Variants in ERCC8 observed in about 807,000 individuals in gnomAD.
ERCC8 encodes ERCC excision repair 8, CSA ubiquitin ligase complex subunit, also known as DNA excision repair protein ERCC-8.
In ERCC8, 52 loss-of-function variants were observed where a neutral mutation model predicts 54.9. The ratio of observed to expected loss-of-function variants is 0.95; its 90% CI spans 0.76 to 1.19. The LOEUF is 1.19. ERCC8 is among the 50% of genes most tolerant of loss of function. The pLI is 0.00. For missense variants in ERCC8, 514 were observed against 466.1 expected (o/e 1.10, Z -0.95); for synonymous variants, 146 against 157.2 (o/e 0.93, Z 0.53).
intron 4 of ERCC8, among the ~76,000 whole-genome samples, chr5:60,906,540 C>T (rs895041300): frequency 1.3e-4 from 19 of 151,812 alleles, no homozygotes; most frequent in Admixed American, 1.2e-3. Flanking sequence ...ACAAGCCTGG[C>T]CAACATGGTG....
At chr5:60,928,706 T>C (rs1434710826) in intron 2 of ERCC8, among the ~76,000 whole-genome samples, 158 bp downstream of exon 2, 3 of 152,190 alleles carry the variant, frequency 2.0e-5, no homozygotes, top group Non-Finnish European at 2.9e-5. Context: ...GTTCGATGTT[T>C]TGTATTTACT....
At chr5:60,875,358 C>A (rs894723645) in intron 11 of ERCC8, among the ~76,000 whole-genome samples, 6 of 152,156 alleles carry the variant, frequency 3.9e-5, no homozygotes, top group African/African-American at 1.4e-4. Context: ...AGGTTTCCCT[C>A]AGGGATTTGT....
intron 11 of ERCC8, among the ~76,000 whole-genome samples, chr5:60,876,472 T>G (rs1436656424): frequency 6.6e-6 from 1 of 152,236 alleles, no homozygotes; most frequent in Non-Finnish European, 1.5e-5. Flanking sequence ...TCCACAATGG[T>G]TGAACTAGTT....
In ERCC8 at chr5:60,917,341, A is replaced by G. The variant is rs540087575; in HGVS notation, c.399+924T>C. On this transcript the variant is annotated intron_variant, in intron 4 of 11. Transcript: ENST00000676185. ...ACGATCAGTTTAGTTGCAGCAAAGCATTTGTGTTGAAAACTGGTAGAACAT... is the reference window on the plus strand; with the variant it reads ...ACGATCAGTTTAGTTGCAGCAAAGCGTTTGTGTTGAAAACTGGTAGAACAT... The G allele has an allele frequency of 4.0e-5, 6 of 151,652 alleles. No individual in the cohort carries two copies. The East Asian group carries it at 7.7e-4, about 19-fold the overall frequency. The allele number at this position is 151,652 out of a possible 1,614,324, so 9.4% of individuals were successfully genotyped here. A position where few individuals can be genotyped will look rare whatever the true frequency, so the allele number is the denominator to read the frequency against.
chr5:60,881,536 T>C (rs1400363365), intron 11 of ERCC8, among the ~76,000 whole-genome samples: 2 of 152,208 alleles, frequency 1.3e-5, no homozygotes, highest in Admixed American at 1.3e-4. Flanking sequence ...CCGCTTTGTT[T>C]ACCTACTCAA....
intron 9 of ERCC8, chr5:60,892,356 A>G (rs1226200170): frequency 1.8e-6 from 1 of 550,430 alleles, no homozygotes; most frequent in East Asian, 4.7e-5. Context: ...CCAGTGGCCA[A>G]GCATTCCATG....
intron 4 of ERCC8, among the ~76,000 whole-genome samples, chr5:60,906,389 T>C (rs1372475076): frequency 6.6e-6 from 1 of 151,984 alleles, no homozygotes; most frequent in Non-Finnish European, 1.5e-5. Flanking sequence ...GGTCTCTCAT[T>C]AGCTTTACAA....
chr5:60,895,642 C>G (rs1316740226), intron 9 of ERCC8, among the ~76,000 whole-genome samples: 1 of 152,144 alleles, frequency 6.6e-6, no homozygotes, highest in Non-Finnish European at 1.5e-5. Flanking sequence ...TATAACATTC[C>G]CTCATTTGTG....
At chr5:60,904,621 AG>A (rs1748999522) in intron 5 of ERCC8, among the ~76,000 whole-genome samples, 170 bp downstream of exon 5, 1 of 63,846 alleles carries the variant, frequency 1.6e-5, no homozygotes, top group African/African-American at 7.8e-5. Flanking sequence ...GAATATATAT[AG>A]TGTGTGTGTG....
intron 3 of ERCC8, chr5:60,919,402 T>C (rs1453850251): frequency 6.6e-6 from 1 of 151,956 alleles, no homozygotes; most frequent in African/African-American, 2.4e-5. Context: ...AGAAGACTTC[T>C]GCAACCCTAT....
At position 60,872,000 on chromosome 5, in the gene ERCC8, C is replaced by T. The variant is rs1403342355; in HGVS notation, c.*2615G>A. Among the ~76,000 whole-genome samples, 1 of 152,036 alleles carries T rather than the reference C, an allele frequency of 6.6e-6. No homozygotes were observed. Among genetic ancestry groups the T allele is most frequent in the Non-Finnish European group, 1.5e-5 (1 of 68,006 alleles). On this transcript the variant is annotated 3_prime_UTR_variant, in exon 12 of 12. Coordinates refer to ENST00000676185, the MANE Select transcript of ERCC8 (RefSeq NM_000082.4). ...TTTTTTATTTAGAGACGAGGTTTTG[C>T]CATGTTGCCCAGGCTGGTCTTGAAC...
intron 4 of ERCC8, among the ~76,000 whole-genome samples, chr5:60,912,075 G>C (rs1445973137): frequency 1.3e-5 from 2 of 151,974 alleles, no homozygotes; most frequent in Admixed American, 1.3e-4. Context: ...GGTAATGCGG[G>C]CTCTTTTTTG....
intron 5 of ERCC8, among the ~76,000 whole-genome samples, chr5:60,904,251 T>C (rs1250500195): frequency 6.6e-6 from 1 of 152,050 alleles, no homozygotes; most frequent in Non-Finnish European, 1.5e-5. Context: ...TAGCTCTTCT[T>C]CACAGATAAA....
At chr5:60,883,461 C>T (rs1312911400) in intron 11 of ERCC8, among the ~76,000 whole-genome samples, 1 of 152,140 alleles carries the variant, frequency 6.6e-6, no homozygotes, top group East Asian at 1.9e-4. Context: ...ATCTATATCT[C>T]ACCAGGTTGT....
At chr5:60,891,345 A>T (rs540824852) in intron 9 of ERCC8, among the ~76,000 whole-genome samples, 1 of 152,154 alleles carries the variant, frequency 6.6e-6, no homozygotes, top group Non-Finnish European at 1.5e-5. Context: ...TTCAACCTTG[A>T]AGAATCATTT....
chr5:60,899,349 T>G (rs1748807265), intron 8 of ERCC8, among the ~76,000 whole-genome samples: 1 of 151,992 alleles, frequency 6.6e-6, no homozygotes, highest in Non-Finnish European at 1.5e-5. Context: ...TTGGCCTCAA[T>G]GGAGCAAAAA....
At chr5:60,876,472 T>C (rs1436656424) in intron 11 of ERCC8, among the ~76,000 whole-genome samples, 1 of 152,236 alleles carries the variant, frequency 6.6e-6, no homozygotes, top group African/African-American at 2.4e-5. Context: ...TCCACAATGG[T>C]TGAACTAGTT....
intron 4 of ERCC8, chr5:60,915,398 A>T (rs1041707476): frequency 4.6e-5 from 7 of 152,062 alleles, no homozygotes; most frequent in Admixed American, 2.6e-4. Flanking sequence ...ATCAATTCAA[A>T]CATAAAGCTT....
intron 11 of ERCC8, among the ~76,000 whole-genome samples, chr5:60,880,693 C>T (rs954035248): frequency 7.9e-5 from 12 of 152,184 alleles, no homozygotes; most frequent in Admixed American, 6.5e-4. Context: ...ACGTAGTTCT[C>T]GTGCCATGGT....
Sources: allele counts gnomAD v4.1 joint callset (sites outside exome capture counted in the v4.1 genomes callset), GRCh38; gene constraint gnomAD v4.1.1; transcripts MANE v1.5; gene names NCBI Gene and HGNC (gene_info 2026-07-23, HGNC 2026-07-21).